Variants in GLI2 observed in about 807,000 individuals in gnomAD.
GLI2 encodes GLI family zinc finger 2.
GLI2 carries 22 observed loss-of-function variants against 78.9 expected under a neutral mutation model. The ratio of observed to expected loss-of-function variants is 0.28; its 90% confidence interval spans 0.20 to 0.40. GLI2 has a LOEUF of 0.40. Among genes scored for constraint, GLI2 ranks in the 10% least tolerant of loss-of-function variants. GLI2 has a pLI of 1.00. For missense variants in GLI2, 2,097 were observed against 2,213.2 expected, an observed-to-expected ratio of 0.95 and a Z score of 1.05; for synonymous variants, 974 against 963.7, an observed-to-expected ratio of 1.01 and a Z score of -0.20.
chr2:120,767,372 G>A (rs922236793), intron 1 of GLI2, among the ~76,000 whole-genome samples: 4 of 151,888 alleles, frequency 2.6e-5, no homozygotes, highest in Non-Finnish European at 5.9e-5. Context: ...GGGCGGGGGC[G>A]GGTGGCAAGC....
intron 2 of GLI2, among the ~76,000 whole-genome samples, chr2:120,817,230 C>T (rs2104739936): frequency 6.6e-6 from 1 of 152,348 alleles, no homozygotes; most frequent in African/African-American, 2.4e-5. Context: ...TCACCCGGAA[C>T]CACACAGGGA....
chr2:120,768,826 T>TGTGC (rs1553446341), intron 1 of GLI2, among the ~76,000 whole-genome samples: 7 of 151,258 alleles, frequency 4.6e-5, no homozygotes, highest in African/African-American at 1.5e-4. Flanking sequence ...TGTGTGTGTG[T>TGTGC]GTGCGTGTGT....
At chr2:120,859,589 G>C (rs530212456) in intron 2 of GLI2, among the ~76,000 whole-genome samples, 1 of 151,638 alleles carries the variant, frequency 6.6e-6, no homozygotes, top group South Asian at 2.1e-4. Context: ...GGAGTAGCTG[G>C]GACTACAGGA....
At chr2:120,753,929 A>G (rs1038714741) in intron 1 of GLI2, among the ~76,000 whole-genome samples, 1 of 151,962 alleles carries the variant, frequency 6.6e-6, no homozygotes, top group African/African-American at 2.4e-5. Context: ...AAAAAAAAAA[A>G]AAACAACTAT....
intron 2 of GLI2, among the ~76,000 whole-genome samples, chr2:120,900,041 G>T (rs2592599): frequency 1.3e-5 from 2 of 152,194 alleles, no homozygotes; most frequent in Non-Finnish European, 2.9e-5. Context: ...GCTGCCGGCC[G>T]GGGGCCACAC....
chr2:120,822,062 C>A (rs1685805183), intron 2 of GLI2, among the ~76,000 whole-genome samples: 1 of 152,204 alleles, frequency 6.6e-6, no homozygotes. Flanking sequence ...GGGCGGTGGG[C>A]CGAGTTCATG....
At chr2:120,954,940 C>T (rs934889475) in intron 4 of GLI2, among the ~76,000 whole-genome samples, 4 of 152,000 alleles carry the variant, frequency 2.6e-5, no homozygotes, top group Admixed American at 1.3e-4. Context: ...CATGGGGCTC[C>T]GGGATTCTGA....
chr2:120,957,328 A>G (rs1681322396), intron 5 of GLI2, among the ~76,000 whole-genome samples: 1 of 152,194 alleles, frequency 6.6e-6, no homozygotes. Context: ...TCTGTAGGAC[A>G]TTGACGTCCC....
chr2:120,918,657 T>C (rs982899714), intron 2 of GLI2, among the ~76,000 whole-genome samples: 1 of 152,172 alleles, frequency 6.6e-6, no homozygotes, highest in African/African-American at 2.4e-5. Context: ...GCCAGGATGG[T>C]GTCAAACTCC....
Position 120,982,713 on chromosome 2 carries a change from T to C in GLI2, c.1468-3T>C, listed in dbSNP as rs751314552. On this transcript the variant is annotated splice_region_variant and splice_polypyrimidine_tract_variant and intron_variant, in intron 10 of 13. Transcript: ENST00000361492. Reference sequence around the variant, plus strand: ...CTTGACTGACTGAACCGCCTCCTTCTAGTTCGAGGGCTGCTCGAAGGCCTA... The same window carrying C: ...CTTGACTGACTGAACCGCCTCCTTCCAGTTCGAGGGCTGCTCGAAGGCCTA... 6.2e-7 allele frequency: 1 copy of C among 1,610,420 alleles called. No individual in the cohort carries two copies. The highest frequency in any genetic ancestry group is 2.2e-5 in the East Asian group (1 of 44,786).
intron 2 of GLI2, among the ~76,000 whole-genome samples, chr2:120,897,298 G>C (rs573740364): frequency 6.6e-6 from 1 of 152,332 alleles, no homozygotes; most frequent in African/African-American, 2.4e-5. Flanking sequence ...CTGCTCCCTG[G>C]CTCTGCCCAG....
chr2:120,868,117 A>G (rs1279424351), intron 2 of GLI2, among the ~76,000 whole-genome samples: 2 of 152,338 alleles, frequency 1.3e-5, no homozygotes, highest in East Asian at 3.9e-4. Flanking sequence ...AGATCCGGCA[A>G]AGCCGAGCTT....
At chr2:120,819,645 T>C (rs536436412) in intron 2 of GLI2, among the ~76,000 whole-genome samples, 1 of 152,316 alleles carries the variant, frequency 6.6e-6, no homozygotes, top group Non-Finnish European at 1.5e-5. Context: ...AACCTGAGCC[T>C]TGTTCTCAAG....
intron 2 of GLI2, among the ~76,000 whole-genome samples, chr2:120,853,452 T>C (rs963786929): frequency 1.3e-5 from 2 of 151,938 alleles, no homozygotes; most frequent in African/African-American, 4.8e-5. Flanking sequence ...CTCAGAGGGG[T>C]CTCCCTTGAG....
intron 2 of GLI2, among the ~76,000 whole-genome samples, chr2:120,799,993 C>T (rs1296650598): frequency 1.3e-5 from 2 of 152,062 alleles, no homozygotes; most frequent in Non-Finnish European, 2.9e-5. Context: ...GAGGGGTACC[C>T]AAGGGTCTTC....
At chr2:120,780,290 G>A (rs1371412047) in intron 1 of GLI2, among the ~76,000 whole-genome samples, 21 of 152,194 alleles carry the variant, frequency 1.4e-4, no homozygotes, top group East Asian at 5.8e-4. Flanking sequence ...TCCACTTGCC[G>A]AGCTCCAGCT....
intron 1 of GLI2, among the ~76,000 whole-genome samples, chr2:120,790,115 G>A (rs1263982669): frequency 2.0e-5 from 3 of 152,222 alleles, no homozygotes; most frequent in South Asian, 2.1e-4. Flanking sequence ...GATCCCAGGG[G>A]ATTTCGGAAG....
intron 10 of GLI2, among the ~76,000 whole-genome samples, chr2:120,982,152 G>A (rs1345954268): frequency 6.6e-6 from 1 of 152,088 alleles, no homozygotes; most frequent in Non-Finnish European, 1.5e-5. Context: ...CAGAGGGGTC[G>A]GTAGTATGCA....
intron 2 of GLI2, among the ~76,000 whole-genome samples, chr2:120,898,878 C>T (rs1002978826): frequency 7.9e-5 from 12 of 152,306 alleles, no homozygotes; most frequent in African/African-American, 2.6e-4. Context: ...AGTTATGGAA[C>T]AAATCTGTAC....
Sources: allele counts gnomAD v4.1 joint callset (sites outside exome capture counted in the v4.1 genomes callset), GRCh38; gene constraint gnomAD v4.1.1; transcripts MANE v1.5; gene names NCBI Gene and HGNC (gene_info 2026-07-23, HGNC 2026-07-21).